DMD: variants seen among roughly 807,000 people sequenced by gnomAD.
The protein encoded by DMD is mutant dystrophin.
Under a neutral mutation model 330.1 loss-of-function variants are expected in DMD, and 63 were observed. That is an observed-to-expected ratio of 0.19 (90% CI 0.16 to 0.24). The LOEUF (loss-of-function observed/expected upper bound fraction) is 0.24. Among genes scored for constraint, DMD ranks in the 10% least tolerant of loss-of-function variants. The pLI, the probability that DMD is intolerant of heterozygous loss-of-function variation, is 1.00. For synonymous variants in DMD, 1,223 were observed against 959.8 expected, an observed-to-expected ratio of 1.27 and a Z score of -5.07; for missense variants, 3,344 against 2,684.1, an observed-to-expected ratio of 1.25 and a Z score of -5.43.
In DMD at chrX:32,343,133, C is replaced by A. The variant is rs886043041; in HGVS notation, c.5739+1G>T. On this transcript the variant is annotated splice_donor_variant, in intron 40 of 78. Transcript: ENST00000357033. LOFTEE classifies it high-confidence loss of function. ...GTATTGACATTCTAAAACAACATTA[C>A]CTTTATTTTCCTTTCATCTCTGGGC... 8.3e-7 allele frequency: 1 copy of A among 1,206,705 alleles called. No homozygotes were observed. The highest frequency in any genetic ancestry group is 1.8e-5 in the African/African-American group (1 of 56,910).
intron 9 of DMD, among the ~76,000 whole-genome samples, chrX:32,696,698 A>C (rs1251319077): frequency 1.8e-5 from 2 of 110,764 alleles, no homozygotes; most frequent in East Asian, 2.9e-4. Context: ...GGGGAAAAAA[A>C]CCCCTATATC....
At chrX:32,744,044 C>T (rs1444355425) in intron 7 of DMD, among the ~76,000 whole-genome samples, 1 of 111,216 alleles carries the variant, frequency 9.0e-6, no homozygotes, top group Non-Finnish European at 1.9e-5. Context: ...CATAAACACA[C>T]AAAATGGATT....
At chrX:32,824,578 G>C (rs957404166) in intron 4 of DMD, among the ~76,000 whole-genome samples, 1 of 111,688 alleles carries the variant, frequency 9.0e-6, no homozygotes, top group Non-Finnish European at 1.9e-5. Context: ...CAGAATAGCA[G>C]TTGGCAGAGG....
At chrX:31,350,626 TGTGTGTGA>T (rs1293696474) in intron 60 of DMD, among the ~76,000 whole-genome samples, 135 of 48,258 alleles carry the variant, frequency 2.8e-3, no homozygotes, top group African/African-American at 9.5e-3. Flanking sequence ...TGTGTGTGTG[TGTGTGTGA>T]GAGAGAGAGA....
chrX:32,847,573 A>G (rs1465337306), intron 3 of DMD, among the ~76,000 whole-genome samples: 1 of 112,367 alleles, frequency 8.9e-6, no homozygotes, highest in African/African-American at 3.2e-5. Context: ...GATCGGGAGC[A>G]TTTGTTAGAG....
At chrX:31,656,408 G>C (rs1380876649) in intron 54 of DMD, among the ~76,000 whole-genome samples, 1 of 112,041 alleles carries the variant, frequency 8.9e-6, no homozygotes, top group Non-Finnish European at 1.9e-5. Flanking sequence ...AGAATGAAGA[G>C]AGGGGTCTGT....
intron 21 of DMD, among the ~76,000 whole-genome samples, chrX:32,472,564 G>A (rs973598466): frequency 2.7e-5 from 3 of 110,723 alleles, no homozygotes; most frequent in Non-Finnish European, 5.7e-5. Flanking sequence ...CGTTTTATAA[G>A]GTCAGGAAAC....
intron 20 of DMD, among the ~76,000 whole-genome samples, chrX:32,488,542 G>A (rs1032394054): frequency 8.9e-6 from 1 of 111,735 alleles, no homozygotes; most frequent in African/African-American, 3.3e-5. Flanking sequence ...ATTTGCCCTT[G>A]TATGAATAAT....
In DMD at chrX:32,245,305, T is replaced by C. The variant is rs1189058380; in HGVS notation, c.6291-28242A>G. ...GGCGTTATTTCTGAGGGCTCTGTTC[T>C]GTTCCATTGATCTATATCTCTGTTT... On this transcript the variant is annotated intron_variant, in intron 43 of 78. Transcript: ENST00000357033. Among the ~76,000 whole-genome samples the C allele has an allele frequency of 6.4e-3, 435 of 67,490 alleles. 12 individuals are homozygous for C. Among genetic ancestry groups the C allele is most frequent in the African/African-American group, 0.025 (400 of 15,784 alleles). The allele number at this position is 67,490 out of a possible 115,157, so 58.6% of individuals were successfully genotyped here. A position where few individuals can be genotyped will look rare whatever the true frequency, so the allele number is the denominator to read the frequency against.
At position 32,943,723 on chromosome X, in the gene DMD, A is replaced by G. The variant is rs1007631771; in HGVS notation, c.93+76416T>C. Among the ~76,000 whole-genome samples the G allele has an allele frequency of 8.0e-5, 9 of 112,082 alleles. No homozygotes were observed. In the Admixed American group the frequency reaches 8.5e-4, roughly 11 times the overall value. On this transcript the variant is annotated intron_variant, in intron 2 of 78. Coordinates refer to ENST00000357033, the MANE Select transcript of DMD (RefSeq NM_004006.3). ...TCAAGTGTAAGCACGCTTTCTCTTG[A>G]TTGGTATTGCAAACTGCTCTCATGA...
chrX:31,134,058 C>T (rs369382916), intron 77 of DMD, 44 bp downstream of exon 77: 7 of 1,140,598 alleles, frequency 6.1e-6, no homozygotes, highest in Non-Finnish European at 8.4e-6. Context: ...AGCGAGTGGC[C>T]TGATCCCAGC....
At chrX:31,248,247 G>T (rs1569501133) in intron 63 of DMD, among the ~76,000 whole-genome samples, 1 of 112,517 alleles carries the variant, frequency 8.9e-6, no homozygotes, top group Non-Finnish European at 1.9e-5. Flanking sequence ...ACACTTGTGT[G>T]ACTTACTTTA....
intron 11 of DMD, among the ~76,000 whole-genome samples, chrX:32,614,774 T>G (rs2057428363): frequency 9.0e-6 from 1 of 111,501 alleles, no homozygotes; most frequent in African/African-American, 3.3e-5. Context: ...TTCTCATTAT[T>G]TAGTATGTGT....
At chrX:32,634,118 G>A (rs1446413415) in intron 11 of DMD, among the ~76,000 whole-genome samples, 2 of 111,763 alleles carry the variant, frequency 1.8e-5, no homozygotes, top group African/African-American at 6.5e-5. Context: ...CACAAACAGA[G>A]ATGTCTCTCC....
intron 44 of DMD, among the ~76,000 whole-genome samples, chrX:32,129,722 A>G (rs866123697): frequency 1.8e-4 from 9 of 50,047 alleles, no homozygotes; most frequent in African/African-American, 5.3e-4. Flanking sequence ...AGAGAGAGAG[A>G]GGGAGGGAGA....
chrX:32,550,455 A>G (rs888593071), intron 16 of DMD, among the ~76,000 whole-genome samples: 3 of 111,636 alleles, frequency 2.7e-5, no homozygotes, highest in African/African-American at 9.8e-5. Flanking sequence ...ATTTAAAAAG[A>G]TGTAACATAC....
chrX:32,887,487 T>C (rs2084718503), intron 2 of DMD, among the ~76,000 whole-genome samples: 2 of 108,160 alleles, frequency 1.8e-5, no homozygotes, highest in Admixed American at 9.9e-5. Flanking sequence ...AGGTGGCTCA[T>C]GCCTGTAATC....
chrX:31,547,266 T>G (rs1344004702), intron 55 of DMD, among the ~76,000 whole-genome samples: 1 of 112,254 alleles, frequency 8.9e-6, no homozygotes, highest in East Asian at 2.8e-4. Flanking sequence ...ACACATGGTC[T>G]TATTAAAAAT....
chrX:31,836,567 GAC>G (rs1329079252), intron 49 of DMD, 149 bp downstream of exon 49: 1 of 511,423 alleles, frequency 2.0e-6, no homozygotes, highest in Admixed American at 2.8e-5. Flanking sequence ...TGATCAAAAA[GAC>G]AGCTTTGCCT....
Sources: allele counts gnomAD v4.1 joint callset (sites outside exome capture counted in the v4.1 genomes callset), GRCh38; gene constraint gnomAD v4.1.1; transcripts MANE v1.5; gene names NCBI Gene and HGNC (gene_info 2026-07-23, HGNC 2026-07-21).